Variants in GTF2IRD1 observed in about 807,000 individuals in gnomAD.
The protein encoded by GTF2IRD1 is general transcription factor II-I repeat domain-containing protein 1.
A neutral mutation model predicts 113.2 loss-of-function variants in GTF2IRD1; 26 were observed. The ratio of observed to expected loss-of-function variants is 0.23; its 90% CI spans 0.17 to 0.32. GTF2IRD1 has a LOEUF of 0.32. Ranked by LOEUF, GTF2IRD1 falls within the 10% of genes least tolerant of loss-of-function variation. The probability of loss-of-function intolerance (pLI) is 1.00; values close to 1 mark genes in which losing one functional copy is unlikely to be tolerated. For missense variants in GTF2IRD1, 864 were observed against 1,280.8 expected, an observed-to-expected ratio of 0.67 and a Z score of 4.97; for synonymous variants, 484 against 529.1, an observed-to-expected ratio of 0.91 and a Z score of 1.17.
intron 1 of GTF2IRD1, among the ~76,000 whole-genome samples, chr7:74,465,242 C>T (rs1793637108): frequency 6.6e-6 from 1 of 152,132 alleles, no homozygotes; most frequent in African/African-American, 2.4e-5. Context: ...CAAACCACAT[C>T]CTCCCTCTTT....
chr7:74,457,202 C>A (rs935886060), intron 1 of GTF2IRD1, among the ~76,000 whole-genome samples: 2 of 152,034 alleles, frequency 1.3e-5, no homozygotes, highest in African/African-American at 4.8e-5. Flanking sequence ...GTTGCCCAGG[C>A]TGGTTTCGAA....
At position 74,576,842 on chromosome 7, in the gene GTF2IRD1, A is replaced by G. The variant is rs587627497; in HGVS notation, c.2321-13009A>G. On this transcript the variant is annotated intron_variant, in intron 22 of 26. Transcript: ENST00000424337. ...CACCATGTTGCCCAGGCTGGTCTCA[A>G]ACTCCTGACCTCAAGTGATCTGCCC... 9.7e-4 allele frequency among the ~76,000 whole-genome samples: 147 copies of G among 151,734 alleles called. 1 individual carries two copies. Among genetic ancestry groups the G allele is most frequent in the African/African-American group, 3.3e-3 (136 of 41,436 alleles).
At chr7:74,475,832 A>C (rs1045562151) in intron 1 of GTF2IRD1, among the ~76,000 whole-genome samples, 1 of 151,746 alleles carries the variant, frequency 6.6e-6, no homozygotes, top group Admixed American at 6.6e-5. Context: ...ATGCGTAGTC[A>C]CCCGCCGGGG....
chr7:74,558,545 T>C (rs1799757073), intron 20 of GTF2IRD1, among the ~76,000 whole-genome samples: 1 of 151,692 alleles, frequency 6.6e-6, no homozygotes, highest in African/African-American at 2.4e-5. Context: ...TAGAAATTTT[T>C]AGTAAAGACA....
intron 17 of GTF2IRD1, among the ~76,000 whole-genome samples, chr7:74,551,307 C>G (rs1562862450): frequency 6.6e-6 from 1 of 152,074 alleles, no homozygotes; most frequent in Non-Finnish European, 1.5e-5. Context: ...CACATCACTG[C>G]ACTCCAGCCT....
intron 1 of GTF2IRD1, among the ~76,000 whole-genome samples, chr7:74,492,752 T>G (rs561269905): frequency 1.1e-3 from 164 of 151,876 alleles, no homozygotes; most frequent in African/African-American, 3.9e-3. Context: ...GACAGTGCCA[T>G]GCTCCCTCCA....
intron 24 of GTF2IRD1, among the ~76,000 whole-genome samples, chr7:74,592,402 GC>G (rs1269724159): frequency 2.3e-4 from 35 of 151,184 alleles, no homozygotes; most frequent in African/African-American, 8.3e-4. Flanking sequence ...ACCACACCCA[GC>G]CCCCCCTTTT....
At chr7:74,505,331 G>A (rs10257129) in intron 1 of GTF2IRD1, among the ~76,000 whole-genome samples, 11,179 of 152,242 alleles carry the variant, frequency 0.073, 1,264 homozygotes, top group African/African-American at 0.25. Flanking sequence ...CTCCAGGCAC[G>A]TGGAACCTGC....
chr7:74,544,183 T>G (rs1232935950), intron 14 of GTF2IRD1, among the ~76,000 whole-genome samples: 8 of 152,168 alleles, frequency 5.3e-5, no homozygotes, highest in Middle Eastern at 3.2e-3. Context: ...CTGGAAGTTT[T>G]TTTGTTTGTT....
chr7:74,568,651 A>AAAG (rs1204433109), intron 22 of GTF2IRD1, among the ~76,000 whole-genome samples: 3 of 151,358 alleles, frequency 2.0e-5, no homozygotes, highest in African/African-American at 7.3e-5. Context: ...CTGTCTCAAA[A>AAAG]AAGAAGAAGA....
chr7:74,496,573 G>GTGTGCATGTGT, intron 1 of GTF2IRD1, among the ~76,000 whole-genome samples: 1 of 138,714 alleles, frequency 7.2e-6, no homozygotes, highest in Non-Finnish European at 1.6e-5. Context: ...TACATGTGTG[G>GTGTGCATGTGT]GTGTGCATGT....
chr7:74,489,025 C>T lies in GTF2IRD1; in HGVS notation c.-6-19050C>T, dbSNP rs189619066. On this transcript the variant is annotated intron_variant, in intron 1 of 26. Transcript: ENST00000424337. ...GGTGTGGTGGTGGGTTCCTGTAATC[C>T]CAGCTACTCAGGAGGCTGAGGCAGG... Among the ~76,000 whole-genome samples the T allele has an allele frequency of 4.5e-3, 682 of 151,752 alleles. 3 individuals are homozygous for T. The highest frequency in any genetic ancestry group is 7.0e-3 in the Non-Finnish European group (477 of 67,938).
chr7:74,477,746 C>T (rs1794507791), intron 1 of GTF2IRD1, among the ~76,000 whole-genome samples: 2 of 151,498 alleles, frequency 1.3e-5, no homozygotes, highest in East Asian at 2.0e-4. Context: ...GGGTAGAGGT[C>T]GGGGAGTGAG....
chr7:74,476,682 C>G (rs1554333611), intron 1 of GTF2IRD1, among the ~76,000 whole-genome samples: 1 of 152,104 alleles, frequency 6.6e-6, no homozygotes, highest in Non-Finnish European at 1.5e-5. Context: ...CCAAGCTGAC[C>G]TTGGCCCCAG....
rs1797137424 is a variant in GTF2IRD1 at position 74,519,478 on chromosome 7, G to A, written c.675G>A (p.Lys225=). 6.3e-7 allele frequency: 1 copy of A among 1,599,192 alleles called. No homozygotes were observed. The highest frequency in any genetic ancestry group is 8.5e-7 in the Non-Finnish European group (1 of 1,173,028). The change falls in exon 6 of 27, where the codon AAG becomes AAA. Residue 225 remains lysine (K), a synonymous_variant. Coordinates refer to ENST00000424337, the MANE Select transcript of GTF2IRD1 (RefSeq NM_005685.4). ...VELNGVSLIP[K]GSRDCGLHGQ... ...TGAACGGTGTCTCCCTGATTCCCAA[G>A]GGGTCACGGGACTGTGGCCTGCATG... is the stretch of plus-strand genomic sequence containing the variant.
intron 1 of GTF2IRD1, among the ~76,000 whole-genome samples, chr7:74,500,603 G>A (rs1795980681): frequency 6.6e-6 from 1 of 152,110 alleles, no homozygotes; most frequent in Non-Finnish European, 1.5e-5. Context: ...GTGTGTGTGT[G>A]TGTCCCTTTC....
At chr7:74,463,999 C>T (rs1554330175) in intron 1 of GTF2IRD1, among the ~76,000 whole-genome samples, 1 of 151,916 alleles carries the variant, frequency 6.6e-6, no homozygotes, top group East Asian at 1.9e-4. Flanking sequence ...GCTGGAATTA[C>T]AGGTGTGAGC....
intron 22 of GTF2IRD1, among the ~76,000 whole-genome samples, chr7:74,573,774 G>C (rs2130884748): frequency 6.6e-6 from 1 of 152,230 alleles, no homozygotes; most frequent in South Asian, 2.1e-4. Flanking sequence ...GTGGAGGTTG[G>C]GGGCCATGCA....
Position 74,590,954 on chromosome 7 carries a change from A to G in GTF2IRD1, c.2528A>G (p.His843Arg). 1 of 1,613,606 alleles carries G rather than the reference A, an allele frequency of 6.2e-7. No homozygotes were observed. Among genetic ancestry groups the G allele is most frequent in the Non-Finnish European group, 8.5e-7 (1 of 1,179,938 alleles). ...PFRNPNTYDI[H>R]RLEKILKARE... ...CGGAACCCCAACACGTACGACATCCACCGGCTGGAGAAGATCCTGAAGGCC... is the reference window on the plus strand; with the variant it reads ...CGGAACCCCAACACGTACGACATCCGCCGGCTGGAGAAGATCCTGAAGGCC... Residue 843 changes from histidine to arginine, a missense_variant, in exon 24 of 27, where the codon CAC (histidine) becomes CGC (arginine). Around this residue, in one of 7 missense-constraint regions of GTF2IRD1, gnomAD observed 195 missense variants for 359.1 expected, o/e 0.54. Coordinates refer to ENST00000424337, the MANE Select transcript of GTF2IRD1 (RefSeq NM_005685.4).
Sources: gnomAD v4.1 joint callset for allele counts (sites outside exome capture counted in the v4.1 genomes callset) on GRCh38, gnomAD v4.1.1 for gene constraint, gnomAD v4.1.1 regional missense constraint, MANE v1.5 for transcripts, NCBI Gene and HGNC (gene_info 2026-07-23, HGNC 2026-07-21) for gene names.